The following MSS51 variants were observed in gnomAD, a reference collection of about 807,000 sequenced individuals.
The protein encoded by MSS51 is putative protein MSS51 homolog, mitochondrial.
MSS51 carries 32 observed loss-of-function variants against 40.2 expected under a neutral mutation model. The observed-to-expected ratio is 0.80, with a 90% confidence interval of 0.60 to 1.07. The LOEUF (loss-of-function observed/expected upper bound fraction) is 1.07, where lower values mean the gene tolerates loss of function less well. Among genes scored for constraint, MSS51 ranks in the 50% least tolerant of loss-of-function variants. MSS51 has a pLI of 0.00. For synonymous variants in MSS51, 178 were observed against 214.2 expected (o/e 0.83, Z 1.48); for missense variants, 518 against 568.9 (o/e 0.91, Z 0.91).
At chr10:73,429,214 A>G (rs1455914524) in intron 1 of MSS51, among the ~76,000 whole-genome samples, 1 of 152,222 alleles carries the variant, frequency 6.6e-6, no homozygotes, top group Non-Finnish European at 1.5e-5. Context: ...CTCAAAAAAA[A>G]AAGAAAACTG....
intron 3 of MSS51, among the ~76,000 whole-genome samples, chr10:73,427,330 G>A (rs1445086753): frequency 7.0e-6 from 1 of 143,364 alleles, no homozygotes. Context: ...CCAGGCTGGA[G>A]TGCAGTGTGC....
chr10:73,425,018 G>C (rs1469841766), intron 6 of MSS51, 80 bp downstream of exon 6: 2 of 1,137,584 alleles, frequency 1.8e-6, no homozygotes, highest in Non-Finnish European at 2.7e-6. Flanking sequence ...AGATGAGCAA[G>C]AGGGGGGCAA....
intron 3 of MSS51, among the ~76,000 whole-genome samples, chr10:73,427,080 CAA>C (rs113038351): frequency 0.046 from 7,060 of 152,100 alleles, 502 homozygotes; most frequent in African/African-American, 0.15. Flanking sequence ...CTTGAGTACT[CAA>C]GAGAGAGACA....
intron 1 of MSS51, among the ~76,000 whole-genome samples, chr10:73,431,490 G>C (rs569154634): frequency 6.6e-6 from 1 of 152,282 alleles, no homozygotes; most frequent in South Asian, 2.1e-4. Flanking sequence ...GATCCTTCTA[G>C]ATCAGATCTG....
chr10:73,425,024 G>A (rs1405125650), intron 6 of MSS51, 74 bp downstream of exon 6: 15 of 1,206,302 alleles, frequency 1.2e-5, no homozygotes, highest in Non-Finnish European at 1.8e-5. Context: ...GCAAGAGGGG[G>A]GCAAAAATGA....
At chr10:73,433,063 G>C (rs934648212) in intron 1 of MSS51, among the ~76,000 whole-genome samples, 1 of 152,094 alleles carries the variant, frequency 6.6e-6, no homozygotes, top group African/African-American at 2.4e-5. Flanking sequence ...CAGTATAAGA[G>C]AGAGAACACC....
At position 73,427,775 on chromosome 10, in the gene MSS51, A is replaced by C; in HGVS notation, c.222-7T>G. On this transcript the variant is annotated splice_region_variant and splice_polypyrimidine_tract_variant and intron_variant, in intron 2 of 6. Coordinates refer to ENST00000299432, the MANE Select transcript of MSS51 (RefSeq NM_001024593.2). ...ACCCCCATCTACCACCAACCTGCAGAGACAGCATGGAGAAGGAATGACAAT... is the reference window on the plus strand; with the variant it reads ...ACCCCCATCTACCACCAACCTGCAGCGACAGCATGGAGAAGGAATGACAAT... 6.2e-7 allele frequency: 1 copy of C among 1,613,456 alleles called. No individual in the cohort carries two copies. The highest frequency in any genetic ancestry group is 8.5e-7 in the Non-Finnish European group (1 of 1,179,614).
intron 1 of MSS51, among the ~76,000 whole-genome samples, chr10:73,429,418 A>T (rs2056012549): frequency 6.6e-6 from 1 of 152,254 alleles, no homozygotes; most frequent in South Asian, 2.1e-4. Flanking sequence ...CAAAGTGACC[A>T]TCCAATTGGA....
chr10:73,424,562 G>A lies in MSS51; in HGVS notation c.1374C>T (p.Gly458=), dbSNP rs370180724. ...DNRQLEEKVD[G]GI is the part of the protein sequence containing the mutation. Reference sequence around the variant, plus strand: ...TCCAGTTATGATCTATTTAAATCCCGCCGTCCACTTTCTCTTCTAATTGCC... The same window carrying A: ...TCCAGTTATGATCTATTTAAATCCCACCGTCCACTTTCTCTTCTAATTGCC... Residue 458 remains glycine (G), a synonymous_variant, in exon 7 of 7, where the codon GGC becomes GGT. Coordinates refer to ENST00000299432, the MANE Select transcript of MSS51 (RefSeq NM_001024593.2). 1.5e-5 allele frequency: 24 copies of A among 1,612,598 alleles called. No homozygotes were observed. Among genetic ancestry groups the A allele is most frequent in the Middle Eastern group, 1.6e-4 (1 of 6,080 alleles).
rs2055967633 is a variant in MSS51 at position 73,424,635 on chromosome 10, C to T, written c.1301G>A (p.Ser434Asn). ...TCCAAGAAACATGATATAGTATGCA[C>T]TGCAGTATACTGGCTGCTTGTTGGG... ...SSPNKQPVYC[S>N]AYYIMFLGSS... The change falls in exon 7 of 7, where the codon AGT (serine) becomes AAT (asparagine). Residue 434 changes from serine (S) to asparagine (N), a missense_variant. Transcript: ENST00000299432. The T allele has an allele frequency of 6.2e-7, 1 of 1,614,046 alleles. No homozygotes were observed. The highest frequency in any genetic ancestry group is 8.5e-7 in the Non-Finnish European group (1 of 1,179,960).
intron 1 of MSS51, 138 bp from the exon 2 acceptor site, chr10:73,428,439 T>C: frequency 3.1e-6 from 2 of 654,064 alleles, no homozygotes; most frequent in Non-Finnish European, 5.2e-6. Context: ...ATTCAGTATT[T>C]ACTGGTTATT....
At chr10:73,426,769 A>G (rs200636598) in intron 3 of MSS51, 38 bp from the exon 4 acceptor site, 148 of 1,608,204 alleles carry the variant, frequency 9.2e-5, no homozygotes, top group Non-Finnish European at 1.2e-4. Context: ...TATACTATAA[A>G]TATGATTGGG....
rs750840888 is a variant in MSS51 at position 73,428,203 on chromosome 10, C to A, written c.82G>T (p.Val28Leu). 1.9e-6 allele frequency: 3 copies of A among 1,614,036 alleles called. No individual in the cohort carries two copies. In the South Asian group the frequency reaches 3.3e-5, roughly 18 times the overall value. The change falls in exon 2 of 7, where the codon GTG (valine) becomes TTG (leucine). Residue 28 changes from valine (V) to leucine (L), a missense_variant. Transcript: ENST00000299432. ...APIIMAPTTI[V>L]TPVPLTPSKP... The stretch of plus-strand genomic sequence containing the variant: ...GAGGGGGTCAGAGGCACAGGGGTCA[C>A]AATTGTGGTTGGGGCCATGATGATG...
Position 73,426,599 on chromosome 10 carries a change from C to T in MSS51, c.502+8G>A, listed in dbSNP as rs772725653. ...TTATGGCAGAGATCCTCAACACCACCACTCCACCTGTGACCAGAAGCCATT... is the reference window on the plus strand; with the variant it reads ...TTATGGCAGAGATCCTCAACACCACTACTCCACCTGTGACCAGAAGCCATT... On this transcript the variant is annotated splice_region_variant and intron_variant, in intron 4 of 6. Coordinates refer to ENST00000299432, the MANE Select transcript of MSS51 (RefSeq NM_001024593.2). 9 of 1,614,068 alleles carry T rather than the reference C, an allele frequency of 5.6e-6. No homozygotes were observed. The highest frequency in any genetic ancestry group is 7.6e-6 in the Non-Finnish European group (9 of 1,179,996).
rs761621236 is a variant in MSS51, at chr10:73,427,724, C to A, written c.266G>T (p.Arg89Leu). ...GGTPVSGFGFRCPQEMFQRME... is the reference protein window; with the variant it reads ...GGTPVSGFGFLCPQEMFQRME... ...CCTCTGGAACATTTCTTGAGGACAT[C>A]GAAATCCAAAGCCTGATACGGGGGT... is the stretch of plus-strand genomic sequence containing the variant. The change falls in exon 3 of 7, where the codon CGA becomes CTA. Residue 89 changes from arginine (R) to leucine (L), a missense_variant. Transcript: ENST00000299432. The A allele has an allele frequency of 6.2e-7, 1 of 1,614,040 alleles. No individual in the cohort carries two copies. Among genetic ancestry groups the A allele is most frequent in the African/African-American group, 1.3e-5 (1 of 74,924 alleles).
At chr10:73,431,027 A>G (rs1023893571) in intron 1 of MSS51, among the ~76,000 whole-genome samples, 1 of 152,224 alleles carries the variant, frequency 6.6e-6, no homozygotes, top group Non-Finnish European at 1.5e-5. Flanking sequence ...GCCAGACACA[A>G]AATGTTGTAT....
At chr10:73,428,554 A>G (rs1219217582) in intron 1 of MSS51, among the ~76,000 whole-genome samples, 1 of 152,082 alleles carries the variant, frequency 6.6e-6, no homozygotes, top group Non-Finnish European at 1.5e-5. Context: ...GTACAGCAGC[A>G]TAATCTCAGC....
intron 3 of MSS51, among the ~76,000 whole-genome samples, chr10:73,426,996 A>G (rs2055994287): frequency 6.6e-6 from 1 of 152,062 alleles, no homozygotes; most frequent in Admixed American, 6.6e-5. Context: ...AAAAAACACC[A>G]CGAGTTTGCA....
chr10:73,425,234 C>T, intron 5 of MSS51, 43 bp from the exon 6 acceptor site: 1 of 1,336,430 alleles, frequency 7.5e-7, no homozygotes, highest in East Asian at 2.3e-5. Flanking sequence ...AAGACTAAAG[C>T]AGACCCTAAG....
Sources: allele counts gnomAD v4.1 joint callset (sites outside exome capture counted in the v4.1 genomes callset), GRCh38; gene constraint gnomAD v4.1.1; transcripts MANE v1.5; gene names NCBI Gene and HGNC (gene_info 2026-07-23, HGNC 2026-07-21).